The following QKI variants were observed in gnomAD, a reference collection of about 807,000 sequenced individuals.
QKI encodes the protein QKI, KH domain containing RNA binding, also known as KH domain-containing RNA-binding protein QKI.
In QKI, 10 loss-of-function variants were observed where a neutral mutation model predicts 39.0. The observed-to-expected ratio is 0.26, with a 90% CI of 0.16 to 0.43. The LOEUF (loss-of-function observed/expected upper bound fraction) is 0.43, where lower values mean the gene tolerates loss of function less well. Among genes scored for constraint, QKI ranks in the 20% least tolerant of loss-of-function variants. The pLI is 1.00. For missense variants in QKI, 218 were observed against 428.0 expected, an observed-to-expected ratio of 0.51 and a Z score of 4.33; for synonymous variants, 204 against 155.4, an observed-to-expected ratio of 1.31 and a Z score of -2.33.
At chr6:163,521,952 G>A (rs1424097454) in intron 3 of QKI, among the ~76,000 whole-genome samples, 1 of 152,114 alleles carries the variant, frequency 6.6e-6, no homozygotes, top group Admixed American at 6.5e-5. Context: ...ATGACAGAAA[G>A]GACATCCTGC....
chr6:163,566,111 A>G (rs1783348794), intron 6 of QKI: 2 of 1,458,930 alleles, frequency 1.4e-6, no homozygotes, highest in Admixed American at 2.5e-5. Context: ...TATAAAGTAA[A>G]ATTATGTTAT....
At chr6:163,436,789 C>CAAAAA (rs60899517) in intron 1 of QKI, among the ~76,000 whole-genome samples, 4 of 89,418 alleles carry the variant, frequency 4.5e-5, no homozygotes, top group African/African-American at 8.9e-5. Flanking sequence ...GACTCCGTCT[C>CAAAAA]AAAAAAAAAA....
At chr6:163,531,525 C>G (rs1202176928) in intron 3 of QKI, among the ~76,000 whole-genome samples, 1 of 152,194 alleles carries the variant, frequency 6.6e-6, no homozygotes, top group African/African-American at 2.4e-5. Context: ...CCCATTTCCT[C>G]AGTATTTTTG....
chr6:163,458,316 A>T (rs1227134879), intron 2 of QKI, among the ~76,000 whole-genome samples: 2 of 152,210 alleles, frequency 1.3e-5, no homozygotes, highest in East Asian at 3.8e-4. Context: ...TCACAAGATT[A>T]TGAAGACTAA....
At chr6:163,420,796 C>T (rs959252034) in intron 1 of QKI, among the ~76,000 whole-genome samples, 1 of 151,988 alleles carries the variant, frequency 6.6e-6, no homozygotes, top group African/African-American at 2.4e-5. Flanking sequence ...TAACAATAAA[C>T]TTTTATGGTG....
chr6:163,490,089 T>C (rs9458836), intron 3 of QKI, among the ~76,000 whole-genome samples: 6,038 of 152,264 alleles, frequency 0.04, 130 homozygotes, highest in African/African-American at 0.064. Context: ...ATGAATCCAA[T>C]TGAATAGTAG....
chr6:163,498,098 A>G (rs1215160389), intron 3 of QKI, among the ~76,000 whole-genome samples: 3 of 151,058 alleles, frequency 2.0e-5, no homozygotes, highest in Non-Finnish European at 2.9e-5. Context: ...AAATATGTAA[A>G]TCAGTGGATG....
chr6:163,450,016 CAT>C (rs943390379), intron 1 of QKI, among the ~76,000 whole-genome samples: 3 of 151,522 alleles, frequency 2.0e-5, no homozygotes, highest in African/African-American at 7.3e-5. Context: ...ATATGTATAA[CAT>C]ATATATACAC....
chr6:163,422,769 C>T lies in QKI; in HGVS notation c.142+7434C>T, dbSNP rs150923374. 1.4e-4 allele frequency among the ~76,000 whole-genome samples: 22 copies of T among 152,168 alleles called. No individual in the cohort carries two copies. The East Asian group carries it at 2.5e-3, about 17-fold the overall frequency. On this transcript the variant is annotated intron_variant, in intron 1 of 7. Coordinates refer to ENST00000361752, the MANE Select transcript of QKI (RefSeq NM_006775.3). ...AGTTCCAGCTGAGAAAGGTTGGCCC[C>T]GGGATTGAATAAGTAGCTGGCCTTA...
At chr6:163,534,715 C>T (rs76903247) in intron 3 of QKI, among the ~76,000 whole-genome samples, 16,339 of 152,152 alleles carry the variant, frequency 0.11, 1,174 homozygotes, top group Non-Finnish European at 0.16. Flanking sequence ...CATAGGAGCA[C>T]GCTTGGGGCT....
intron 6 of QKI, 36 bp downstream of exon 6, chr6:163,563,755 C>G: frequency 6.4e-7 from 1 of 1,564,814 alleles, no homozygotes; most frequent in Non-Finnish European, 8.7e-7. Flanking sequence ...ACAACATTCT[C>G]TTTATAAATA....
intron 3 of QKI, among the ~76,000 whole-genome samples, chr6:163,525,463 G>T (rs1780445622): frequency 6.8e-6 from 1 of 147,122 alleles, no homozygotes; most frequent in Non-Finnish European, 1.5e-5. Context: ...AATTCAAGCA[G>T]TTCTCCTGCC....
chr6:163,512,105 A>G (rs1457168317), intron 3 of QKI, among the ~76,000 whole-genome samples: 1 of 152,122 alleles, frequency 6.6e-6, no homozygotes, highest in Non-Finnish European at 1.5e-5. Context: ...CTGTATAATT[A>G]TATCTAGGAG....
intron 3 of QKI, among the ~76,000 whole-genome samples, chr6:163,504,855 A>G (rs1397934798): frequency 6.6e-6 from 1 of 152,060 alleles, no homozygotes; most frequent in Non-Finnish European, 1.5e-5. Flanking sequence ...TACCTGGTTC[A>G]TCTGGGTGGG....
intron 1 of QKI, among the ~76,000 whole-genome samples, chr6:163,424,330 G>A (rs1287731191): frequency 6.6e-6 from 1 of 152,184 alleles, no homozygotes; most frequent in Non-Finnish European, 1.5e-5. Context: ...CTCTGTATGT[G>A]TGTGCCTGCA....
chr6:163,562,883 G>A (rs1161841343), intron 5 of QKI, among the ~76,000 whole-genome samples: 1 of 152,146 alleles, frequency 6.6e-6, no homozygotes, highest in Non-Finnish European at 1.5e-5. Context: ...TAGGAATTTA[G>A]AAGTAGGGCT....
intron 3 of QKI, among the ~76,000 whole-genome samples, chr6:163,509,365 A>G (rs1261532611): frequency 2.0e-5 from 3 of 152,210 alleles, no homozygotes; most frequent in South Asian, 2.1e-4. Flanking sequence ...AGTTGATTAC[A>G]TAGAAATTTT....
At chr6:163,538,492 A>G (rs1781330558) in intron 4 of QKI, among the ~76,000 whole-genome samples, 1 of 152,118 alleles carries the variant, frequency 6.6e-6, no homozygotes, top group African/African-American at 2.4e-5. Context: ...AGCCGGCTGA[A>G]GAGCAGTAGG....
chr6:163,535,193 G>A (rs553927343), intron 4 of QKI, 68 bp downstream of exon 4: 52 of 1,442,704 alleles, frequency 3.6e-5, no homozygotes, highest in East Asian at 3.1e-4. Context: ...TTAAATTATC[G>A]TAATGTTTAT....
Sources: allele counts gnomAD v4.1 joint callset (sites outside exome capture counted in the v4.1 genomes callset), GRCh38; gene constraint gnomAD v4.1.1; transcripts MANE v1.5; gene names NCBI Gene and HGNC (gene_info 2026-07-23, HGNC 2026-07-21).